The following CNTN6 variants were observed in gnomAD, a reference collection of about 807,000 sequenced individuals.
CNTN6 encodes the protein contactin-6.
CNTN6 carries 137 observed loss-of-function variants against 122.8 expected under a neutral mutation model. The ratio of observed to expected loss-of-function variants is 1.12; its 90% CI spans 0.97 to 1.29. The LOEUF (loss-of-function observed/expected upper bound fraction) is 1.29, where lower values mean the gene tolerates loss of function less well. Ranked by LOEUF, CNTN6 falls within the 50% of genes most tolerant of loss-of-function variation. The pLI is 0.00. For missense variants in CNTN6, 1,634 were observed against 1,223.4 expected (o/e 1.34, Z -5.01); for synonymous variants, 570 against 426.0 (o/e 1.34, Z -4.16).
chr3:1,251,521 C>A (rs557604958), intron 4 of CNTN6, among the ~76,000 whole-genome samples: 47 of 152,296 alleles, frequency 3.1e-4, no homozygotes, highest in Middle Eastern at 3.4e-3. Context: ...TCACTTTCCC[C>A]CTTATTTCAT....
At chr3:1,302,230 G>A (rs1304764227) in intron 7 of CNTN6, among the ~76,000 whole-genome samples, 1 of 151,342 alleles carries the variant, frequency 6.6e-6, no homozygotes, top group South Asian at 2.1e-4. Context: ...TTGCTGTGCA[G>A]CATTTGGTTT....
intron 2 of CNTN6, among the ~76,000 whole-genome samples, chr3:1,167,047 T>TAAAAAAAA (rs764885215): frequency 7.6e-6 from 1 of 131,272 alleles, no homozygotes. Flanking sequence ...AACTTAAAAT[T>TAAAAAAAA]AAAAAAAAAA....
intron 20 of CNTN6, among the ~76,000 whole-genome samples, chr3:1,390,855 G>C (rs1429380800): frequency 6.6e-6 from 1 of 150,556 alleles, no homozygotes; most frequent in Non-Finnish European, 1.5e-5. Flanking sequence ...GACTAAACCA[G>C]GAAGAAGTTG....
At chr3:1,314,095 A>G (rs1699773671) in intron 7 of CNTN6, among the ~76,000 whole-genome samples, 2 of 152,056 alleles carry the variant, frequency 1.3e-5, no homozygotes, top group South Asian at 4.1e-4. Flanking sequence ...GACTCCATTT[A>G]CACCACTCAG....
chr3:1,394,803 A>G (rs187606777), intron 20 of CNTN6, among the ~76,000 whole-genome samples: 3 of 152,298 alleles, frequency 2.0e-5, no homozygotes, highest in Admixed American at 2.0e-4. Context: ...AATGCTAAAG[A>G]TTATTGGTTT....
intron 4 of CNTN6, among the ~76,000 whole-genome samples, chr3:1,266,822 A>G (rs2094933151): frequency 6.6e-6 from 1 of 151,996 alleles, no homozygotes; most frequent in Non-Finnish European, 1.5e-5. Flanking sequence ...GCACAGGTGC[A>G]CCTAATTTGC....
At chr3:1,103,289 A>G (rs2091047695) in intron 1 of CNTN6, among the ~76,000 whole-genome samples, 1 of 152,196 alleles carries the variant, frequency 6.6e-6, no homozygotes, top group African/African-American at 2.4e-5. Context: ...GCTGACAGGT[A>G]GAATTTTGAC....
At chr3:1,318,612 G>A (rs1357985447) in intron 7 of CNTN6, among the ~76,000 whole-genome samples, 4 of 151,748 alleles carry the variant, frequency 2.6e-5, no homozygotes, top group Middle Eastern at 3.4e-3. Flanking sequence ...AGCCAAGCTC[G>A]GTATACTGTC....
chr3:1,329,211 A>ATG (rs2125996838), intron 10 of CNTN6, among the ~76,000 whole-genome samples: 1 of 150,942 alleles, frequency 6.6e-6, no homozygotes, highest in East Asian at 2.0e-4. Flanking sequence ...ATGCATATAC[A>ATG]TGTATATATA....
chr3:1,385,653 A>T lies in CNTN6; in HGVS notation c.2560A>T (p.Lys854Ter). The T allele has an allele frequency of 6.2e-7, 1 of 1,614,082 alleles. No individual in the cohort carries two copies. Among genetic ancestry groups the T allele is most frequent in the Non-Finnish European group, 8.5e-7 (1 of 1,179,938 alleles). Residue 854 changes from lysine (K) to a stop codon, truncating the protein, a stop_gained, in exon 20 of 23, where the codon AAA becomes TAA. Transcript: ENST00000446702. LOFTEE classifies it high-confidence loss of function. ...TDDSKESMIGKIRVSGNVTTK... is the reference protein window; with the variant it reads ...TDDSKESMIG ...TGACTCCAAAGAATCCATGATAGGT[A>T]AAATTAGAGTCAGTGGAAATGTCAC...
At chr3:1,359,083 T>C (rs961996356) in intron 12 of CNTN6, among the ~76,000 whole-genome samples, 1 of 151,866 alleles carries the variant, frequency 6.6e-6, no homozygotes, top group Non-Finnish European at 1.5e-5. Flanking sequence ...GGTACAGAAG[T>C]CTTCTATTGT....
chr3:1,266,243 C>A (rs2094924660), intron 4 of CNTN6, among the ~76,000 whole-genome samples: 1 of 152,148 alleles, frequency 6.6e-6, no homozygotes, highest in East Asian at 1.9e-4. Flanking sequence ...GTCCTTATCA[C>A]TGAACCTAAT....
At chr3:1,342,345 G>A (rs1238971694) in intron 11 of CNTN6, among the ~76,000 whole-genome samples, 1 of 152,114 alleles carries the variant, frequency 6.6e-6, no homozygotes, top group Non-Finnish European at 1.5e-5. Context: ...GTTCAGGCTG[G>A]TCTCGAACTC....
intron 1 of CNTN6, among the ~76,000 whole-genome samples, chr3:1,117,357 C>T (rs911742846): frequency 4.0e-5 from 6 of 150,168 alleles, no homozygotes; most frequent in Non-Finnish European, 2.9e-5. Flanking sequence ...AACAGTAAGT[C>T]CTGTTCAGGG....
At chr3:1,277,601 C>T (rs3913302) in intron 4 of CNTN6, among the ~76,000 whole-genome samples, 119,394 of 151,492 alleles carry the variant, frequency 0.79, 47,614 homozygotes, top group African/African-American at 0.88. Context: ...CCACAAGCAA[C>T]TTGCCTGACT....
rs58536354 is a variant in CNTN6, at chr3:1,199,175, CT to C, written c.56-21494del. On this transcript the variant is annotated intron_variant, in intron 2 of 22. Coordinates refer to ENST00000446702, the MANE Select transcript of CNTN6 (RefSeq NM_001289080.2). ...CCTGAACCATGAGAGACAATATATG[CT>C]TTTTTTTTTTTTTTTTTCCTGAGAC... is the stretch of plus-strand genomic sequence containing the variant. 7.8e-3 allele frequency among the ~76,000 whole-genome samples: 963 copies of C among 124,116 alleles called. 13 individuals carry two copies. The highest frequency in any genetic ancestry group is 0.022 in the African/African-American group (704 of 31,502). The allele number at this position is 124,116 out of a possible 152,430, so 81.4% of individuals were successfully genotyped here.
chr3:1,219,764 C>T (rs2094180282), intron 2 of CNTN6, among the ~76,000 whole-genome samples: 1 of 152,064 alleles, frequency 6.6e-6, no homozygotes, highest in African/African-American at 2.4e-5. Context: ...GCCTGTAATC[C>T]CAGCACATTG....
chr3:1,255,257 A>C (rs2094734819), intron 4 of CNTN6, among the ~76,000 whole-genome samples: 1 of 152,112 alleles, frequency 6.6e-6, no homozygotes, highest in Non-Finnish European at 1.5e-5. Flanking sequence ...AGATGCTGCA[A>C]AGTCATTGCA....
intron 11 of CNTN6, among the ~76,000 whole-genome samples, chr3:1,331,197 AG>A (rs1302502722): frequency 6.6e-6 from 1 of 151,952 alleles, no homozygotes; most frequent in African/African-American, 2.4e-5. Flanking sequence ...GCCCCTTTCT[AG>A]GGCATTCTTT....
Sources: allele counts gnomAD v4.1 joint callset (sites outside exome capture counted in the v4.1 genomes callset), GRCh38; gene constraint gnomAD v4.1.1; transcripts MANE v1.5; gene names NCBI Gene and HGNC (gene_info 2026-07-23, HGNC 2026-07-21).